The following ASCC3 variants were observed in gnomAD, a reference collection of about 807,000 sequenced individuals.
ASCC3 encodes activating signal cointegrator 1 complex subunit 3.
In ASCC3, 158 loss-of-function variants were observed where a neutral mutation model predicts 256.3. The observed-to-expected ratio is 0.62, with a 90% confidence interval of 0.54 to 0.70. The LOEUF (loss-of-function observed/expected upper bound fraction) is 0.70. Among genes scored for constraint, ASCC3 ranks in the 30% least tolerant of loss-of-function variants. The pLI, the probability that ASCC3 is intolerant of heterozygous loss-of-function variation, is 0.00. For synonymous variants in ASCC3, 948 were observed against 883.4 expected (o/e 1.07, Z -1.30); for missense variants, 2,259 against 2,626.0 (o/e 0.86, Z 3.05).
At chr6:100,709,795 A>G (rs987134221) in intron 13 of ASCC3, among the ~76,000 whole-genome samples, 1 of 152,206 alleles carries the variant, frequency 6.6e-6, no homozygotes, top group Middle Eastern at 3.2e-3. Context: ...ACATGTGTGA[A>G]TGGATAAAAG....
intron 19 of ASCC3, 149 bp from the exon 20 acceptor site, chr6:100,650,863 TC>T (rs1224387219): frequency 1.5e-6 from 1 of 680,002 alleles, no homozygotes; most frequent in African/African-American, 1.8e-5. Context: ...CAATGATTTT[TC>T]CATAGGTAGC....
At chr6:100,541,874 A>G (rs1017002523) in intron 36 of ASCC3, among the ~76,000 whole-genome samples, 2 of 152,230 alleles carry the variant, frequency 1.3e-5, no homozygotes, top group African/African-American at 4.8e-5. Context: ...CAACTACTCA[A>G]TTCAAATTTC....
chr6:100,733,382 C>A (rs6570930), intron 10 of ASCC3, among the ~76,000 whole-genome samples: 73,302 of 151,764 alleles, frequency 0.48, 17,721 homozygotes, highest in South Asian at 0.68. Context: ...CTTATGAATA[C>A]ATTAATGCCC....
At chr6:100,577,741 C>G (rs1486175075) in intron 36 of ASCC3, among the ~76,000 whole-genome samples, 1 of 151,068 alleles carries the variant, frequency 6.6e-6, no homozygotes, top group Non-Finnish European at 1.5e-5. Flanking sequence ...CACCCACCCA[C>G]CCACACACAC....
At chr6:100,778,043 C>T (rs1782269434) in intron 8 of ASCC3, among the ~76,000 whole-genome samples, 1 of 151,292 alleles carries the variant, frequency 6.6e-6, no homozygotes, top group African/African-American at 2.4e-5. Flanking sequence ...TAGCAGAACC[C>T]AGGCTATCTC....
At chr6:100,608,146 C>CATATATATGCATATATATG (rs1311691741) in intron 30 of ASCC3, among the ~76,000 whole-genome samples, 23 of 41,066 alleles carry the variant, frequency 5.6e-4, no homozygotes, top group Non-Finnish European at 9.7e-4. Context: ...GTATATATAT[C>CATATATATGCATATATATG]TATATATACA....
At position 100,838,871 on chromosome 6, in the gene ASCC3, CAT is replaced by C. The variant is rs952009888; in HGVS notation, c.801+9275_801+9276del. On this transcript the variant is annotated intron_variant, in intron 4 of 41. Transcript: ENST00000369162. Reference sequence around the variant, plus strand: ...ATGTATGTGCTCATGCATGCATACACATATATATATAACTTAAAATTTATGTA... The same window carrying C: ...ATGTATGTGCTCATGCATGCATACACATATATATAACTTAAAATTTATGTA... Among the ~76,000 whole-genome samples, 15 of 151,938 alleles carry C rather than the reference CAT, an allele frequency of 9.9e-5. No individual in the cohort carries two copies. The South Asian group carries it at 1.2e-3, about 13-fold the overall frequency.
chr6:100,647,235 C>A lies in ASCC3; in HGVS notation c.3469G>T (p.Asp1157Tyr), dbSNP rs967937445. The A allele has an allele frequency of 1.9e-6, 3 of 1,608,686 alleles. No homozygotes were observed. The highest frequency in any genetic ancestry group is 2.7e-5 in the African/African-American group (2 of 74,782). The change falls in exon 21 of 42, where the codon GAT becomes TAT. Residue 1157 changes from aspartate (D) to tyrosine (Y), a missense_variant. Transcript: ENST00000369162. ...TVDKLKDMRK[D>Y]EIGHILHHVN... ...TTTGCTTCCTTCTTACCTATTTCATCTTTCCTCATGTCTTTCAGCTTATCC... is the reference window on the plus strand; with the variant it reads ...TTTGCTTCCTTCTTACCTATTTCATATTTCCTCATGTCTTTCAGCTTATCC...
chr6:100,723,894 A>ATATATT (rs1779483839), intron 11 of ASCC3, among the ~76,000 whole-genome samples: 4 of 109,268 alleles, frequency 3.7e-5, no homozygotes, highest in Middle Eastern at 4.8e-3. Context: ...ATATATATAT[A>ATATATT]TATTTATAAT....
At chr6:100,797,620 G>C (rs2114331901) in intron 8 of ASCC3, among the ~76,000 whole-genome samples, 1 of 151,946 alleles carries the variant, frequency 6.6e-6, no homozygotes, top group South Asian at 2.1e-4. Flanking sequence ...TGTCAGTCCT[G>C]GCTGTATTGT....
intron 13 of ASCC3, among the ~76,000 whole-genome samples, chr6:100,713,224 G>A (rs1778934617): frequency 6.6e-6 from 1 of 152,100 alleles, no homozygotes; most frequent in African/African-American, 2.4e-5. Flanking sequence ...CAGGATAATG[G>A]TGTATTACTC....
intron 36 of ASCC3, among the ~76,000 whole-genome samples, chr6:100,562,767 A>ATT (rs1770023651): frequency 6.6e-6 from 1 of 152,100 alleles, no homozygotes; most frequent in Non-Finnish European, 1.5e-5. Context: ...AATTCCTAAA[A>ATT]ATGCAATTGA....
At chr6:100,667,625 A>C (rs570939347) in intron 14 of ASCC3, among the ~76,000 whole-genome samples, 1 of 152,230 alleles carries the variant, frequency 6.6e-6, no homozygotes, top group African/African-American at 2.4e-5. Flanking sequence ...CCAAGACTGG[A>C]TGACTGTCTA....
intron 10 of ASCC3, among the ~76,000 whole-genome samples, chr6:100,761,824 C>T (rs1173140276): frequency 2.6e-5 from 4 of 152,158 alleles, no homozygotes; most frequent in Admixed American, 2.6e-4. Context: ...CTAAACAGTA[C>T]ATTTATGGGA....
intron 36 of ASCC3, among the ~76,000 whole-genome samples, chr6:100,585,400 G>A (rs974674558): frequency 7.9e-5 from 12 of 151,612 alleles, no homozygotes; most frequent in Non-Finnish European, 1.5e-4. Flanking sequence ...CATTCTTCAC[G>A]TAGTTCTCGA....
chr6:100,585,863 T>A (rs991892994), intron 36 of ASCC3, among the ~76,000 whole-genome samples: 1 of 152,200 alleles, frequency 6.6e-6, no homozygotes, highest in Non-Finnish European at 1.5e-5. Context: ...CCTGTTTGCC[T>A]GGGTATCAGC....
rs200839694 is a variant in ASCC3, at chr6:100,644,033, G to C, written c.3730C>G (p.Gln1244Glu). Reference sequence around the variant, plus strand: ...TATATTCACATATATACACTTACTTGTTTTTTTAGAGCTAGAAAATACTCT... The same window carrying C: ...TATATTCACATATATACACTTACTTCTTTTTTTAGAGCTAGAAAATACTCT... ...HSEYFLALKK[Q>E]VISKEAQLLV... Residue 1244 changes from glutamine to glutamate, a missense_variant and splice_region_variant, in exon 23 of 42, where the codon CAA (glutamine) becomes GAA (glutamate). This residue lies in a region of ASCC3 where 1,839 missense variants were observed against 2,206.7 expected (regional missense o/e 0.83). Coordinates refer to ENST00000369162, the MANE Select transcript of ASCC3 (RefSeq NM_006828.4). 2.5e-5 allele frequency: 40 copies of C among 1,601,754 alleles called. No homozygotes were observed. Among genetic ancestry groups the C allele is most frequent in the Non-Finnish European group, 3.3e-5 (39 of 1,169,976 alleles).
chr6:100,735,550 TAG>T (rs1282418986), intron 10 of ASCC3, among the ~76,000 whole-genome samples: 1 of 152,168 alleles, frequency 6.6e-6, no homozygotes, highest in African/African-American at 2.4e-5. Context: ...CTCCTTTTAA[TAG>T]AGATATTAAG....
At chr6:100,580,523 T>A (rs1582486717) in intron 36 of ASCC3, among the ~76,000 whole-genome samples, 1 of 152,010 alleles carries the variant, frequency 6.6e-6, no homozygotes, top group Non-Finnish European at 1.5e-5. Flanking sequence ...TTATTGTTTT[T>A]GTGCCTACAA....
Sources: gnomAD v4.1 joint callset for allele counts (sites outside exome capture counted in the v4.1 genomes callset) on GRCh38, gnomAD v4.1.1 for gene constraint, gnomAD v4.1.1 regional missense constraint, MANE v1.5 for transcripts, NCBI Gene and HGNC (gene_info 2026-07-23, HGNC 2026-07-21) for gene names.